The following SLC25A21 variants were observed in gnomAD, a reference collection of about 807,000 sequenced individuals.
SLC25A21 encodes mitochondrial 2-oxodicarboxylate carrier.
A neutral mutation model predicts 43.8 loss-of-function variants in SLC25A21; 47 were observed. The ratio of observed to expected loss-of-function variants is 1.07; its 90% CI spans 0.85 to 1.37. SLC25A21 has a LOEUF of 1.37. Among genes scored for constraint, SLC25A21 ranks in the 40% most tolerant of loss-of-function variants. The pLI is 0.00. For missense variants in SLC25A21, 352 were observed against 350.2 expected, an observed-to-expected ratio of 1.00 and a Z score of -0.04; for synonymous variants, 131 against 121.3, an observed-to-expected ratio of 1.08 and a Z score of -0.52.
intron 1 of SLC25A21, among the ~76,000 whole-genome samples, chr14:37,132,159 T>C (rs1963402335): frequency 6.6e-6 from 1 of 152,154 alleles, no homozygotes; most frequent in South Asian, 2.1e-4. Flanking sequence ...CTTATCCTTT[T>C]ATCAGGAGCC....
intron 2 of SLC25A21, among the ~76,000 whole-genome samples, chr14:36,816,166 T>C (rs1398800255): frequency 1.3e-5 from 2 of 152,062 alleles, no homozygotes; most frequent in Non-Finnish European, 2.9e-5. Context: ...TTTTGTAAAG[T>C]GGAAAGTTGC....
chr14:36,801,234 T>G (rs917920532), intron 3 of SLC25A21, among the ~76,000 whole-genome samples: 1 of 152,116 alleles, frequency 6.6e-6, no homozygotes, highest in African/African-American at 2.4e-5. Context: ...CTGGAGTTTT[T>G]CCCCCTAGGT....
At chr14:36,939,347 T>C (rs894495600) in intron 1 of SLC25A21, among the ~76,000 whole-genome samples, 12 of 152,070 alleles carry the variant, frequency 7.9e-5, no homozygotes, top group African/African-American at 2.9e-4. Flanking sequence ...ATCATGCATA[T>C]TTTCTTTTGT....
chr14:36,765,913 T>C (rs989500943), intron 3 of SLC25A21, among the ~76,000 whole-genome samples: 1 of 152,174 alleles, frequency 6.6e-6, no homozygotes, highest in Admixed American at 6.5e-5. Flanking sequence ...TGATACCTCT[T>C]GGAACCTGAA....
At chr14:37,000,866 T>C (rs546816575) in intron 1 of SLC25A21, among the ~76,000 whole-genome samples, 34 of 152,276 alleles carry the variant, frequency 2.2e-4, no homozygotes, top group Admixed American at 5.9e-4. Flanking sequence ...TCAGCCATGA[T>C]TGTAAGTTTC....
intron 1 of SLC25A21, among the ~76,000 whole-genome samples, chr14:36,951,503 T>C (rs868752258): frequency 1.4e-4 from 22 of 152,308 alleles, no homozygotes; most frequent in Admixed American, 8.5e-4. Flanking sequence ...GCCATGTTGC[T>C]GGAGCAAATA....
chr14:36,794,519 G>A (rs1011786853), intron 3 of SLC25A21, among the ~76,000 whole-genome samples: 2 of 152,142 alleles, frequency 1.3e-5, no homozygotes, highest in African/African-American at 2.4e-5. Flanking sequence ...TGTAAGCCCA[G>A]CACGTTGGGA....
chr14:37,100,467 G>C (rs1381233355), intron 1 of SLC25A21, among the ~76,000 whole-genome samples: 1 of 152,128 alleles, frequency 6.6e-6, no homozygotes, highest in African/African-American at 2.4e-5. Flanking sequence ...CATTCATCTA[G>C]ATCATCCTAA....
intron 3 of SLC25A21, among the ~76,000 whole-genome samples, chr14:36,783,450 T>C (rs1038018192): frequency 3.3e-5 from 5 of 152,122 alleles, no homozygotes; most frequent in African/African-American, 1.2e-4. Flanking sequence ...TCTTCCTTGG[T>C]CTCAGCCTCT....
At chr14:36,941,204 T>TC (rs772985435) in intron 1 of SLC25A21, among the ~76,000 whole-genome samples, 2 of 152,062 alleles carry the variant, frequency 1.3e-5, no homozygotes, top group Non-Finnish European at 1.5e-5. Flanking sequence ...AATGATCTTA[T>TC]CCCATAATAT....
chr14:37,026,285 T>C (rs1961091289), intron 1 of SLC25A21, among the ~76,000 whole-genome samples: 2 of 152,170 alleles, frequency 1.3e-5, no homozygotes, highest in Admixed American at 6.6e-5. Context: ...CTAGACAAGG[T>C]AGAGACATCA....
intron 7 of SLC25A21, among the ~76,000 whole-genome samples, chr14:36,702,475 C>CAAAAAAAAA (rs1213350246): frequency 2.4e-4 from 16 of 65,988 alleles, no homozygotes; most frequent in African/African-American, 4.7e-4. Context: ...CCTGTCTCCA[C>CAAAAAAAAA]AAAAAAAAAA....
rs1161001643 is a variant in SLC25A21 at position 37,040,327 on chromosome 14, GGGAAGGAAGGAA to G, written c.70+131942_70+131953del. The stretch of plus-strand genomic sequence containing the variant: ...AGGAAGGAAAGGAAGAAAGGAAGAG[GGGAAGGAAGGAA>G]GGAAGGAAGGAAGGAAAGAAAGAGA... On this transcript the variant is annotated intron_variant, in intron 1 of 9. Coordinates refer to ENST00000331299, the MANE Select transcript of SLC25A21 (RefSeq NM_030631.4). 9.5e-4 allele frequency among the ~76,000 whole-genome samples: 53 copies of G among 55,562 alleles called. 10 individuals carry two copies. Among genetic ancestry groups the G allele is most frequent in the Non-Finnish European group, 1.1e-3 (38 of 34,932 alleles). The allele number at this position is 55,562 out of a possible 152,430, so 36.5% of individuals were successfully genotyped here.
chr14:37,123,053 G>C (rs199594759), intron 1 of SLC25A21, among the ~76,000 whole-genome samples: 1 of 152,106 alleles, frequency 6.6e-6, no homozygotes, highest in Non-Finnish European at 1.5e-5. Context: ...ACAGATAAGC[G>C]GAAATTACTT....
intron 1 of SLC25A21, among the ~76,000 whole-genome samples, chr14:37,023,076 T>C (rs1449944974): frequency 1.3e-5 from 2 of 151,962 alleles, no homozygotes; most frequent in Non-Finnish European, 2.9e-5. Context: ...ATTTCTGTGA[T>C]TACCAACAAG....
At chr14:37,030,515 T>G (rs1037494759) in intron 1 of SLC25A21, among the ~76,000 whole-genome samples, 1 of 152,228 alleles carries the variant, frequency 6.6e-6, no homozygotes, top group African/African-American at 2.4e-5. Context: ...TTTCTGAATC[T>G]ACACTGAAAA....
chr14:36,847,918 G>A lies in SLC25A21; in HGVS notation c.119+27038C>T, dbSNP rs548251164. Among the ~76,000 whole-genome samples, 8 of 150,152 alleles carry A rather than the reference G, an allele frequency of 5.3e-5. 1 individual carries two copies. In the South Asian group the frequency reaches 1.7e-3, roughly 32 times the overall value. Reference sequence around the variant, plus strand: ...AAAGTAACTCTGGAAGCGGTATGAAGGCTGGGCTTGAATATAGACCAACAG... The same window carrying A: ...AAAGTAACTCTGGAAGCGGTATGAAAGCTGGGCTTGAATATAGACCAACAG... On this transcript the variant is annotated intron_variant, in intron 2 of 9. Coordinates refer to ENST00000331299, the MANE Select transcript of SLC25A21 (RefSeq NM_030631.4).
At chr14:36,691,258 T>C (rs1882783737) in intron 7 of SLC25A21, among the ~76,000 whole-genome samples, 1 of 152,150 alleles carries the variant, frequency 6.6e-6, no homozygotes, top group African/African-American at 2.4e-5. Flanking sequence ...GATCACCTCT[T>C]AGGCCAAGAG....
At chr14:37,065,765 T>C (rs1368595939) in intron 1 of SLC25A21, among the ~76,000 whole-genome samples, 1 of 152,180 alleles carries the variant, frequency 6.6e-6, no homozygotes, top group East Asian at 1.9e-4. Flanking sequence ...ATTAGACATA[T>C]ATGGTAAAAC....
Sources: allele counts gnomAD v4.1 joint callset (sites outside exome capture counted in the v4.1 genomes callset), GRCh38; gene constraint gnomAD v4.1.1; transcripts MANE v1.5; gene names NCBI Gene and HGNC (gene_info 2026-07-23, HGNC 2026-07-21).